The following BBS9 variants were observed in gnomAD, a reference collection of about 807,000 sequenced individuals.
BBS9 encodes the protein Bardet-Biedl syndrome 9, also known as protein PTHB1.
In BBS9, 89 loss-of-function variants were observed where a neutral mutation model predicts 117.7. The observed-to-expected ratio is 0.76, with a 90% confidence interval of 0.64 to 0.90. The LOEUF is 0.90. BBS9 is among the 40% of genes least tolerant of loss of function. The pLI is 0.00. For missense variants in BBS9, 982 were observed against 1,042.2 expected, an observed-to-expected ratio of 0.94 and a Z score of 0.80; for synonymous variants, 379 against 370.9, an observed-to-expected ratio of 1.02 and a Z score of -0.25.
chr7:33,432,857 C>T (rs140127653), intron 19 of BBS9, among the ~76,000 whole-genome samples: 8 of 152,010 alleles, frequency 5.3e-5, no homozygotes, highest in Non-Finnish European at 8.8e-5. Flanking sequence ...GGTTCCCCTA[C>T]ATGATTTTAG....
chr7:33,280,905 GTTTTTGTT>G (rs1305659626), intron 9 of BBS9, among the ~76,000 whole-genome samples: 5 of 48,772 alleles, frequency 1.0e-4, no homozygotes, highest in African/African-American at 1.8e-4. Context: ...TTAATTTGTC[GTTTTTGTT>G]TTTTTTTTTT....
chr7:33,616,491 GTGTATATATA>G, intron 21 of BBS9, among the ~76,000 whole-genome samples: 1 of 138,754 alleles, frequency 7.2e-6, no homozygotes, highest in African/African-American at 2.7e-5. Flanking sequence ...GTGTGTGTGT[GTGTATATATA>G]TATATATATA....
chr7:33,341,732 T>C (rs897583231), intron 11 of BBS9, among the ~76,000 whole-genome samples: 24 of 152,126 alleles, frequency 1.6e-4, no homozygotes, highest in African/African-American at 5.8e-4. Context: ...TGCCAAATAA[T>C]GGGTGCTCAA....
chr7:33,432,287 T>TTTTG (rs1834618032), intron 19 of BBS9, among the ~76,000 whole-genome samples: 1 of 151,472 alleles, frequency 6.6e-6, no homozygotes, highest in Admixed American at 6.6e-5. Context: ...TTTTTTTTTT[T>TTTTG]TTTAGTAGAG....
At chr7:33,454,306 C>A (rs1453901711) in intron 19 of BBS9, among the ~76,000 whole-genome samples, 1 of 152,086 alleles carries the variant, frequency 6.6e-6, no homozygotes, top group Non-Finnish European at 1.5e-5. Flanking sequence ...CCAGTAGTTT[C>A]TATTCTGTTG....
At chr7:33,200,459 A>G (rs1415337203) in intron 5 of BBS9, among the ~76,000 whole-genome samples, 1 of 152,190 alleles carries the variant, frequency 6.6e-6, no homozygotes, top group Non-Finnish European at 1.5e-5. Flanking sequence ...CTTTGTTTGA[A>G]TTATGTAAAT....
intron 21 of BBS9, among the ~76,000 whole-genome samples, chr7:33,630,302 T>C (rs1158461960): frequency 6.6e-6 from 1 of 152,148 alleles, no homozygotes; most frequent in African/African-American, 2.4e-5. Flanking sequence ...AAAAAATAAA[T>C]GAGGTGCGAA....
At chr7:33,438,462 G>A (rs1422490845) in intron 19 of BBS9, among the ~76,000 whole-genome samples, 3 of 152,142 alleles carry the variant, frequency 2.0e-5, no homozygotes, top group Non-Finnish European at 2.9e-5. Context: ...TAAGAATAAC[G>A]GGTCCAGTAG....
intron 6 of BBS9, among the ~76,000 whole-genome samples, chr7:33,257,796 A>G (rs1797327528): frequency 6.6e-6 from 1 of 152,242 alleles, no homozygotes; most frequent in South Asian, 2.1e-4. Flanking sequence ...TAAATAATTA[A>G]ATACGATGTT....
intron 19 of BBS9, among the ~76,000 whole-genome samples, chr7:33,396,696 G>T (rs748342761): frequency 2.0e-4 from 30 of 152,188 alleles, no homozygotes; most frequent in Middle Eastern, 3.4e-3. Context: ...GAATAGCCAA[G>T]ACAATTGTAA....
chr7:33,245,734 G>A (rs1267129691), intron 5 of BBS9, among the ~76,000 whole-genome samples: 1 of 152,090 alleles, frequency 6.6e-6, no homozygotes, highest in Non-Finnish European at 1.5e-5. Flanking sequence ...TGATGGTTCA[G>A]TTTAGTTAAA....
intron 20 of BBS9, 115 bp downstream of exon 20, chr7:33,505,760 TA>T: frequency 8.9e-7 from 1 of 1,125,436 alleles, no homozygotes; most frequent in Non-Finnish European, 1.3e-6. Context: ...TTTGATTTTT[TA>T]CAAAAATGCT....
At chr7:33,544,206 A>G (rs1473508367) in intron 21 of BBS9, among the ~76,000 whole-genome samples, 1 of 152,054 alleles carries the variant, frequency 6.6e-6, no homozygotes. Flanking sequence ...CAGGTAAATC[A>G]GGGATTTCTT....
intron 21 of BBS9, among the ~76,000 whole-genome samples, chr7:33,558,948 G>T (rs1241208554): frequency 1.3e-5 from 2 of 152,196 alleles, no homozygotes; most frequent in Non-Finnish European, 2.9e-5. Context: ...GCAAAATATA[G>T]TTGGCTGTCA....
intron 19 of BBS9, among the ~76,000 whole-genome samples, chr7:33,493,105 G>T (rs1282743883): frequency 6.6e-6 from 1 of 151,898 alleles, no homozygotes; most frequent in East Asian, 1.9e-4. Context: ...AGTGATTCTT[G>T]TCCCTTAGCC....
intron 1 of BBS9, among the ~76,000 whole-genome samples, chr7:33,143,088 G>T (rs1791773930): frequency 1.3e-5 from 2 of 152,038 alleles, no homozygotes; most frequent in African/African-American, 4.8e-5. Flanking sequence ...TCTTGCCTTA[G>T]CCTCCCGAGT....
chr7:33,438,815 G>C (rs1835694835), intron 19 of BBS9, among the ~76,000 whole-genome samples: 1 of 152,172 alleles, frequency 6.6e-6, no homozygotes, highest in Non-Finnish European at 1.5e-5. Flanking sequence ...AAGAACACAG[G>C]ATATTCATTT....
chr7:33,614,241 A>G (rs1173583739), intron 21 of BBS9, among the ~76,000 whole-genome samples: 1 of 152,122 alleles, frequency 6.6e-6, no homozygotes, highest in African/African-American at 2.4e-5. Flanking sequence ...AACTTGAATA[A>G]TCCTATAACA....
At chr7:33,521,951 G>T (rs2129043100) in intron 20 of BBS9, among the ~76,000 whole-genome samples, 1 of 133,500 alleles carries the variant, frequency 7.5e-6, no homozygotes, top group East Asian at 2.2e-4. Flanking sequence ...CTGTGTCCAT[G>T]TGATCTCATT....
Sources: allele counts gnomAD v4.1 joint callset (sites outside exome capture counted in the v4.1 genomes callset), GRCh38; gene constraint gnomAD v4.1.1; transcripts MANE v1.5; gene names NCBI Gene and HGNC (gene_info 2026-07-23, HGNC 2026-07-21).